The following PCDH15 variants were observed in gnomAD, a reference collection of about 807,000 sequenced individuals.
PCDH15 encodes protocadherin-15.
PCDH15 carries 129 observed loss-of-function variants against 178.5 expected under a neutral mutation model. The observed-to-expected ratio is 0.72, with a 90% CI of 0.63 to 0.84. The LOEUF (loss-of-function observed/expected upper bound fraction) is 0.84. PCDH15 is among the 40% of genes least tolerant of loss of function. The pLI is 0.00. For synonymous variants in PCDH15, 800 were observed against 732.0 expected, an observed-to-expected ratio of 1.09 and a Z score of -1.50; for missense variants, 2,230 against 2,099.9, an observed-to-expected ratio of 1.06 and a Z score of -1.21.
chr10:54,021,178 A>G (rs967852688), intron 19 of PCDH15, among the ~76,000 whole-genome samples: 1 of 152,060 alleles, frequency 6.6e-6, no homozygotes, highest in Non-Finnish European at 1.5e-5. Flanking sequence ...AGCTGAAAGG[A>G]TGGGTTTTCA....
At chr10:53,823,482 T>A in intron 32 of PCDH15, 1 of 918,566 alleles carries the variant, frequency 1.1e-6, no homozygotes, top group Non-Finnish European at 1.8e-6. Flanking sequence ...CAAACAACAC[T>A]AACCTACTAA....
intron 2 of PCDH15, among the ~76,000 whole-genome samples, chr10:55,402,085 C>A (rs1210153228): frequency 6.6e-6 from 1 of 150,768 alleles, no homozygotes; most frequent in African/African-American, 2.4e-5. Context: ...TCACTTCACA[C>A]CTGAGTGACC....
intron 1 of PCDH15, among the ~76,000 whole-genome samples, chr10:55,307,723 C>T (rs977343019): frequency 8.6e-5 from 13 of 151,664 alleles, no homozygotes; most frequent in African/African-American, 2.4e-4. Flanking sequence ...ATCCAACTTG[C>T]CCCCCAAACA....
intron 29 of PCDH15, among the ~76,000 whole-genome samples, chr10:53,834,223 G>A (rs2077174139): frequency 6.6e-6 from 1 of 152,066 alleles, no homozygotes; most frequent in Admixed American, 6.6e-5. Flanking sequence ...GAGAGAAAGT[G>A]GAATTCTTTT....
At chr10:54,843,839 G>T (rs1953459800) in intron 3 of PCDH15, among the ~76,000 whole-genome samples, 1 of 151,986 alleles carries the variant, frequency 6.6e-6, no homozygotes, top group Admixed American at 6.6e-5. Context: ...TGAGTCCCCA[G>T]TTGGAAAATA....
chr10:54,637,922 A>G (rs189815210), intron 2 of PCDH15, among the ~76,000 whole-genome samples: 1 of 152,244 alleles, frequency 6.6e-6, no homozygotes, highest in African/African-American at 2.4e-5. Context: ...AACATCTGAA[A>G]CAGATGAAGA....
Position 55,382,799 on chromosome 10 carries a change from T to C in PCDH15, c.-155-216148A>G, listed in dbSNP as rs145822148. Among the ~76,000 whole-genome samples, 568 of 152,252 alleles carry C rather than the reference T, an allele frequency of 3.7e-3. 4 individuals are homozygous for C. Among genetic ancestry groups the C allele is most frequent in the African/African-American group, 0.011 (472 of 41,562 alleles). ...CCCCTTCACGGGACTTGAGACAGGT[T>C]TGTGGCTCGCCTACTTGGCCACCGC... On this transcript the variant is annotated intron_variant, in intron 2 of 5. Transcript: ENST00000613346.
intron 2 of PCDH15, among the ~76,000 whole-genome samples, chr10:54,919,576 C>T (rs543159377): frequency 2.5e-4 from 38 of 152,208 alleles, no homozygotes; most frequent in African/African-American, 9.1e-4. Flanking sequence ...GATACATTAC[C>T]CTTACTGTAC....
intron 2 of PCDH15, among the ~76,000 whole-genome samples, chr10:55,123,726 CAT>C (rs1304034140): frequency 6.6e-6 from 1 of 152,132 alleles, no homozygotes; most frequent in Non-Finnish European, 1.5e-5. Flanking sequence ...CATAGAAACA[CAT>C]ATGGAACTAT....
At chr10:54,258,964 GT>G (rs1252273699) in intron 8 of PCDH15, among the ~76,000 whole-genome samples, 3 of 152,018 alleles carry the variant, frequency 2.0e-5, no homozygotes, top group African/African-American at 4.8e-5. Flanking sequence ...GAGCAAATAA[GT>G]TTTTTTCCAT....
rs180859018 is a variant in PCDH15, at chr10:54,046,058, C to T, written c.2220+20699G>A. On this transcript the variant is annotated intron_variant, in intron 18 of 37. Coordinates refer to ENST00000644397, the MANE Select transcript of PCDH15 (RefSeq NM_001384140.1). ...ACTCAAATAGGCATTTCGGAAAAGA[C>T]GAAATTCAAAATAGTAAGTAAATAT... Among the ~76,000 whole-genome samples the T allele has an allele frequency of 8.5e-5, 13 of 152,122 alleles. No individual in the cohort carries two copies. In the East Asian group the frequency reaches 1.7e-3, roughly 20 times the overall value.
intron 2 of PCDH15, among the ~76,000 whole-genome samples, chr10:55,058,813 C>T (rs574624282): frequency 9.3e-4 from 142 of 152,258 alleles, no homozygotes; most frequent in African/African-American, 3.0e-3. Context: ...CAGTGTTCTT[C>T]ATTCTGCCTA....
rs745985513 is a variant in PCDH15 at position 53,831,421 on chromosome 10, T to C, written c.4096A>G (p.Arg1366Gly). Reference protein sequence around the residue: ...TPEAVTSIKKRGESLGYTEGA... With the variant: ...TPEAVTSIKKGGESLGYTEGA... ...TCTGTGTATCCTAGACTTTCTCCTC[T>C]CTTTTTAATGCTGGTCACTGCCTCT... Residue 1366 changes from arginine to glycine, a missense_variant, in exon 30 of 38, where the codon AGA becomes GGA. Transcript: ENST00000644397. 6.2e-7 allele frequency: 1 copy of C among 1,614,134 alleles called. No homozygotes were observed. Among genetic ancestry groups the C allele is most frequent in the South Asian group, 1.1e-5 (1 of 91,080 alleles).
intron 2 of PCDH15, among the ~76,000 whole-genome samples, chr10:55,114,069 C>A (rs1199781077): frequency 6.6e-6 from 1 of 152,192 alleles, no homozygotes; most frequent in East Asian, 1.9e-4. Context: ...CTGCCTCAGC[C>A]TCCTGAGTAG....
chr10:54,740,928 T>C (rs376210875), intron 1 of PCDH15, among the ~76,000 whole-genome samples: 4 of 151,822 alleles, frequency 2.6e-5, no homozygotes, highest in East Asian at 3.9e-4. Context: ...TATATATAGA[T>C]AGAAGGCACA....
rs114182513 is a variant in PCDH15, at chr10:53,990,379, T to C, written c.2868+5270A>G. On this transcript the variant is annotated intron_variant, in intron 21 of 37. Coordinates refer to ENST00000644397, the MANE Select transcript of PCDH15 (RefSeq NM_001384140.1). The stretch of plus-strand genomic sequence containing the variant: ...GTGAGAATACTAAGTATTTGGGAAC[T>C]GATTTTAAAGTCCATAACTATTAAA... 4.1e-3 allele frequency among the ~76,000 whole-genome samples: 626 copies of C among 151,954 alleles called. 7 individuals carry two copies. Among genetic ancestry groups the C allele is most frequent in the African/African-American group, 0.014 (598 of 41,470 alleles).
At chr10:55,435,400 C>A (rs1223359024) in intron 2 of PCDH15, among the ~76,000 whole-genome samples, 1 of 152,050 alleles carries the variant, frequency 6.6e-6, no homozygotes, top group African/African-American at 2.4e-5. Flanking sequence ...TTAAAATTAG[C>A]AAATAGTTAA....
chr10:53,883,554 C>A (rs2080885326), intron 26 of PCDH15, among the ~76,000 whole-genome samples: 1 of 152,184 alleles, frequency 6.6e-6, no homozygotes, highest in Non-Finnish European at 1.5e-5. Flanking sequence ...AGCAGGTCAT[C>A]TACACTAGTT....
rs971497727 is a variant in PCDH15 at position 54,516,815 on chromosome 10, A to C, written c.157+10997T>G. Among the ~76,000 whole-genome samples, 4 of 152,156 alleles carry C rather than the reference A, an allele frequency of 2.6e-5. No individual in the cohort carries two copies. In the South Asian group the frequency reaches 6.2e-4, roughly 24 times the overall value. On this transcript the variant is annotated intron_variant, in intron 3 of 37. Transcript: ENST00000644397. ...ATGTTAAGGGCAGCCAGAGAGAAAG[A>C]TTGGGTTACCCACAAAGGGAAGCTC... is the stretch of plus-strand genomic sequence containing the variant.
Sources: gnomAD v4.1 joint callset for allele counts (sites outside exome capture counted in the v4.1 genomes callset) on GRCh38, gnomAD v4.1.1 for gene constraint, MANE v1.5 for transcripts, NCBI Gene and HGNC (gene_info 2026-07-23, HGNC 2026-07-21) for gene names.